The following MACROD2 variants were observed in gnomAD, a reference collection of about 807,000 sequenced individuals.
The protein encoded by MACROD2 is ADP-ribose glycohydrolase MACROD2.
In MACROD2, 36 loss-of-function variants were observed where a neutral mutation model predicts 70.4. The observed-to-expected ratio is 0.51, with a 90% CI of 0.39 to 0.68. The LOEUF is 0.68. MACROD2 is among the 30% of genes least tolerant of loss of function. MACROD2 has a pLI of 0.00. For synonymous variants in MACROD2, 172 were observed against 178.8 expected (o/e 0.96, Z 0.30); for missense variants, 496 against 538.4 (o/e 0.92, Z 0.78).
At position 14,530,569 on chromosome 20, in the gene MACROD2, A is replaced by G. The variant is rs147630446; in HGVS notation, c.301+37061A>G. Among the ~76,000 whole-genome samples, 10 of 152,310 alleles carry G rather than the reference A, an allele frequency of 6.6e-5. No homozygotes were observed. The East Asian group carries it at 1.5e-3, about 24-fold the overall frequency. On this transcript the variant is annotated intron_variant, in intron 4 of 17. Coordinates refer to ENST00000684519, the MANE Select transcript of MACROD2 (RefSeq NM_001351661.2). ...CTGATTTTAATTGCTCTAAAAATACATGTTCTTATCTGCAGGATTTGTATT... is the reference window on the plus strand; with the variant it reads ...CTGATTTTAATTGCTCTAAAAATACGTGTTCTTATCTGCAGGATTTGTATT...
At chr20:15,455,406 G>A (rs1322182012) in intron 7 of MACROD2, among the ~76,000 whole-genome samples, 1 of 152,016 alleles carries the variant, frequency 6.6e-6, no homozygotes, top group South Asian at 2.1e-4. Context: ...ATTGGATATC[G>A]GTCATCAGAG....
chr20:14,153,808 G>T (rs1454637275), intron 3 of MACROD2, among the ~76,000 whole-genome samples: 1 of 152,124 alleles, frequency 6.6e-6, no homozygotes, highest in Admixed American at 6.5e-5. Context: ...TTTTATGTAT[G>T]TTATTTTTAA....
chr20:14,921,680 T>G (rs980262187), intron 5 of MACROD2, among the ~76,000 whole-genome samples: 5 of 152,168 alleles, frequency 3.3e-5, no homozygotes, highest in African/African-American at 1.2e-4. Flanking sequence ...TTTTGCAGGC[T>G]GGGGCTTTGC....
rs138379332 is a variant in MACROD2, at chr20:15,605,325, AT to A, written c.645+105487del. Reference sequence around the variant, plus strand: ...TGGGGCATCATTCTTTGTAATATAGATTTTTTTTTCATAATTTCCCACAGTT... The same window carrying A: ...TGGGGCATCATTCTTTGTAATATAGATTTTTTTTCATAATTTCCCACAGTT... On this transcript the variant is annotated intron_variant, in intron 8 of 17. Coordinates refer to ENST00000684519, the MANE Select transcript of MACROD2 (RefSeq NM_001351661.2). 2.6e-5 allele frequency among the ~76,000 whole-genome samples: 4 copies of A among 151,360 alleles called. No individual in the cohort carries two copies. In the East Asian group the frequency reaches 5.8e-4, roughly 22 times the overall value.
chr20:14,701,122 T>C (rs1259515631), intron 5 of MACROD2, among the ~76,000 whole-genome samples: 1 of 152,170 alleles, frequency 6.6e-6, no homozygotes, highest in Non-Finnish European at 1.5e-5. Flanking sequence ...TCAGTGTCTT[T>C]AGCTTTATCT....
At chr20:15,508,854 A>C (rs1368224805) in intron 8 of MACROD2, among the ~76,000 whole-genome samples, 1 of 152,218 alleles carries the variant, frequency 6.6e-6, no homozygotes, top group African/African-American at 2.4e-5. Context: ...GATGTCCCAG[A>C]TTTGAGGGCA....
chr20:14,012,058 A>AC (rs2052916665), intron 2 of MACROD2, among the ~76,000 whole-genome samples: 2 of 151,294 alleles, frequency 1.3e-5, no homozygotes, highest in Admixed American at 1.3e-4. Flanking sequence ...ATAGGCATGT[A>AC]CCCCCGCCCA....
chr20:14,544,157 C>T (rs571396555), intron 4 of MACROD2, among the ~76,000 whole-genome samples: 46 of 151,204 alleles, frequency 3.0e-4, no homozygotes, highest in African/African-American at 1.0e-3. Flanking sequence ...TGACTCTTTT[C>T]GAAACTATTG....
rs73898561 is a variant in MACROD2, at chr20:15,859,282, G to A, written c.646-3463G>A. ...AGAGGTGGAGGAAGTGGAAGAGGAAGCAGAAGAGGCAGGCATGATCTGCTT... is the reference window on the plus strand; with the variant it reads ...AGAGGTGGAGGAAGTGGAAGAGGAAACAGAAGAGGCAGGCATGATCTGCTT... On this transcript the variant is annotated intron_variant, in intron 8 of 17. Coordinates refer to ENST00000684519, the MANE Select transcript of MACROD2 (RefSeq NM_001351661.2). Among the ~76,000 whole-genome samples, 1,152 of 152,164 alleles carry A rather than the reference G, an allele frequency of 7.6e-3. 16 individuals carry two copies. Among genetic ancestry groups the A allele is most frequent in the African/African-American group, 0.026 (1,094 of 41,522 alleles).
intron 4 of MACROD2, among the ~76,000 whole-genome samples, chr20:14,516,383 G>A (rs73612364): frequency 6.6e-6 from 1 of 152,024 alleles, no homozygotes; most frequent in African/African-American, 2.4e-5. Flanking sequence ...GCCCATGCCT[G>A]TGTCCTGAAT....
intron 8 of MACROD2, among the ~76,000 whole-genome samples, chr20:15,636,501 A>G (rs1424216494): frequency 1.3e-5 from 2 of 152,128 alleles, no homozygotes; most frequent in African/African-American, 4.8e-5. Context: ...GGGGCAGTTA[A>G]TGGGTTCGGT....
intron 3 of MACROD2, among the ~76,000 whole-genome samples, chr20:14,143,847 ATGAACCACACAG>A (rs1364475571): frequency 6.6e-6 from 1 of 152,228 alleles, no homozygotes; most frequent in Non-Finnish European, 1.5e-5. Context: ...GACAAGACTT[ATGAACCACACAG>A]TGTCATTATT....
At chr20:15,942,360 T>G (rs974655536) in intron 12 of MACROD2, among the ~76,000 whole-genome samples, 2 of 152,136 alleles carry the variant, frequency 1.3e-5, no homozygotes, top group Admixed American at 1.3e-4. Context: ...GAATAATTCA[T>G]CCGGAATGCA....
chr20:14,783,103 A>G (rs1278938430), intron 5 of MACROD2, among the ~76,000 whole-genome samples: 2 of 152,156 alleles, frequency 1.3e-5, no homozygotes, highest in African/African-American at 4.8e-5. Context: ...ATGTCAAATG[A>G]TTCAACACTA....
At position 14,138,763 on chromosome 20, in the gene MACROD2, CCACACACACACACACACACACA is replaced by C. The variant is rs11469437; in HGVS notation, c.271+53057_271+53078del. Among the ~76,000 whole-genome samples, 303 of 147,130 alleles carry C rather than the reference CCACACACACACACACACACACA, an allele frequency of 2.1e-3. 2 individuals are homozygous for C. Among genetic ancestry groups the C allele is most frequent in the Non-Finnish European group, 2.8e-3 (186 of 66,886 alleles). On this transcript the variant is annotated intron_variant, in intron 3 of 17. Coordinates refer to ENST00000684519, the MANE Select transcript of MACROD2 (RefSeq NM_001351661.2). ...GCTAAGAGAATAGATCTTAAGTTTT[CCACACACACACACACACACACA>C]CACACACACACACACACACACGGTA...
chr20:14,704,026 C>G (rs948129195), intron 5 of MACROD2, among the ~76,000 whole-genome samples: 2 of 152,052 alleles, frequency 1.3e-5, no homozygotes, highest in African/African-American at 4.8e-5. Flanking sequence ...CCGCATCTGG[C>G]CTGAGACCCT....
intron 5 of MACROD2, among the ~76,000 whole-genome samples, chr20:15,154,209 G>T (rs1368986795): frequency 6.6e-6 from 1 of 152,128 alleles, no homozygotes; most frequent in Non-Finnish European, 1.5e-5. Flanking sequence ...AAGCAGTATA[G>T]CCCCTGCCAC....
At chr20:15,351,348 G>A (rs992347546) in intron 6 of MACROD2, among the ~76,000 whole-genome samples, 1 of 152,108 alleles carries the variant, frequency 6.6e-6, no homozygotes, top group Admixed American at 6.6e-5. Context: ...GTGAAAATTA[G>A]TTACCCTTTA....
intron 4 of MACROD2, among the ~76,000 whole-genome samples, chr20:14,672,830 G>A (rs1318928331): frequency 6.6e-6 from 1 of 152,108 alleles, no homozygotes; most frequent in Admixed American, 6.6e-5. Context: ...TTATATGTAT[G>A]TGTATGTTTG....
Sources: allele counts gnomAD v4.1 joint callset (sites outside exome capture counted in the v4.1 genomes callset), GRCh38; gene constraint gnomAD v4.1.1; transcripts MANE v1.5; gene names NCBI Gene and HGNC (gene_info 2026-07-23, HGNC 2026-07-21).